The following GALNTL6 variants were observed in gnomAD, a reference collection of about 807,000 sequenced individuals.
The protein encoded by GALNTL6 is polypeptide N-acetylgalactosaminyltransferase-like 6.
Under a neutral mutation model 73.7 loss-of-function variants are expected in GALNTL6, and 46 were observed. The ratio of observed to expected loss-of-function variants is 0.62; its 90% CI spans 0.49 to 0.80. The LOEUF (loss-of-function observed/expected upper bound fraction) is 0.80. GALNTL6 is among the 30% of genes least tolerant of loss of function. The pLI is 0.00. For missense variants in GALNTL6, 604 were observed against 755.0 expected (o/e 0.80, Z 2.34); for synonymous variants, 259 against 263.7 (o/e 0.98, Z 0.17).
chr4:172,812,907 A>G (rs1164837651), intron 6 of GALNTL6, among the ~76,000 whole-genome samples: 1 of 152,220 alleles, frequency 6.6e-6, no homozygotes, highest in African/African-American at 2.4e-5. Flanking sequence ...GTAGTATAAT[A>G]TCACCTAATA....
chr4:171,949,038 G>A (rs1191260930), intron 2 of GALNTL6, among the ~76,000 whole-genome samples: 1 of 151,852 alleles, frequency 6.6e-6, no homozygotes, highest in Non-Finnish European at 1.5e-5. Context: ...AAAGTATTCA[G>A]AGTGCGTCCA....
At chr4:171,881,181 G>A (rs560867927) in intron 2 of GALNTL6, among the ~76,000 whole-genome samples, 27 of 152,204 alleles carry the variant, frequency 1.8e-4, no homozygotes, top group Middle Eastern at 3.4e-3. Context: ...ATCAGAAGAC[G>A]GAATCCAATA....
intron 3 of GALNTL6, among the ~76,000 whole-genome samples, chr4:172,272,757 A>C (rs1259912159): frequency 6.6e-6 from 1 of 152,212 alleles, no homozygotes; most frequent in Non-Finnish European, 1.5e-5. Flanking sequence ...GAATGGAAAA[A>C]TGTGCTTCAC....
intron 5 of GALNTL6, among the ~76,000 whole-genome samples, chr4:172,622,331 C>T (rs1490454904): frequency 6.6e-6 from 1 of 151,968 alleles, no homozygotes; most frequent in Non-Finnish European, 1.5e-5. Context: ...TAAAAGTAGA[C>T]CCACTCCAAG....
rs545462743 is a variant in GALNTL6 at position 172,956,043 on chromosome 4, C to G, written c.1371+3785C>G. On this transcript the variant is annotated intron_variant, in intron 10 of 12. Transcript: ENST00000506823. Reference sequence around the variant, plus strand: ...GGTCACAGGGAATATGATGGCTTAGCTTTGGCTCAGAGGCCTGACATTCCC... The same window carrying G: ...GGTCACAGGGAATATGATGGCTTAGGTTTGGCTCAGAGGCCTGACATTCCC... Among the ~76,000 whole-genome samples the G allele has an allele frequency of 5.3e-5, 8 of 152,070 alleles. No individual in the cohort carries two copies. In the South Asian group the frequency reaches 1.2e-3, roughly 24 times the overall value.
In GALNTL6 at chr4:171,827,485, C is replaced by T. The variant is rs536494137; in HGVS notation, c.138+12767C>T. Among the ~76,000 whole-genome samples, 3 of 152,262 alleles carry T rather than the reference C, an allele frequency of 2.0e-5. No homozygotes were observed. The East Asian group carries it at 5.8e-4, about 29-fold the overall frequency. On this transcript the variant is annotated intron_variant, in intron 2 of 12. Coordinates refer to ENST00000506823, the MANE Select transcript of GALNTL6 (RefSeq NM_001034845.3). ...AATTACTTCTTGTTCTGCACTCTCC[C>T]TGGGACCATCACTCACAAGCCTTCA...
At chr4:172,224,044 AT>A (rs1560977253) in intron 2 of GALNTL6, among the ~76,000 whole-genome samples, 1 of 152,176 alleles carries the variant, frequency 6.6e-6, no homozygotes, top group Admixed American at 6.5e-5. Flanking sequence ...TATTTGTTTA[AT>A]GATTTAAGGT....
At chr4:172,471,947 C>T (rs770108432) in intron 5 of GALNTL6, among the ~76,000 whole-genome samples, 24 of 152,130 alleles carry the variant, frequency 1.6e-4, no homozygotes, top group Non-Finnish European at 3.2e-4. Context: ...TTTCTTCTCT[C>T]TAATATCCAA....
intron 12 of GALNTL6, among the ~76,000 whole-genome samples, chr4:173,025,099 A>C (rs1340277158): frequency 6.6e-6 from 1 of 152,146 alleles, no homozygotes; most frequent in East Asian, 1.9e-4. Flanking sequence ...AGCAACTCTC[A>C]TTCCGCTTTT....
At chr4:172,581,749 T>G (rs1737199969) in intron 5 of GALNTL6, among the ~76,000 whole-genome samples, 1 of 152,192 alleles carries the variant, frequency 6.6e-6, no homozygotes, top group Admixed American at 6.5e-5. Flanking sequence ...GCTCTCTGAT[T>G]GGCTTGAGAG....
Position 172,719,977 on chromosome 4 carries a change from A to G in GALNTL6, c.554-89384A>G, listed in dbSNP as rs1244308863. Among the ~76,000 whole-genome samples the G allele has an allele frequency of 2.6e-5, 4 of 152,088 alleles. No individual in the cohort carries two copies. In the East Asian group the frequency reaches 7.7e-4, roughly 29 times the overall value. On this transcript the variant is annotated intron_variant, in intron 5 of 12. Transcript: ENST00000506823. The stretch of plus-strand genomic sequence containing the variant: ...TGTAAACTGTCATGGCGCTGATGGG[A>G]GTGCAGTAGTGAGGACGACCGGAGG...
At chr4:172,589,212 C>T (rs979683425) in intron 5 of GALNTL6, among the ~76,000 whole-genome samples, 28 of 152,096 alleles carry the variant, frequency 1.8e-4, no homozygotes, top group African/African-American at 7.2e-5. Context: ...AAGAAAATGA[C>T]ACATTTCTTA....
At chr4:172,814,360 T>C (rs1328255422) in intron 7 of GALNTL6, among the ~76,000 whole-genome samples, 2 of 152,154 alleles carry the variant, frequency 1.3e-5, no homozygotes, top group Admixed American at 6.6e-5. Context: ...GTTTTTTCAG[T>C]GTGGACATAA....
At chr4:172,239,909 G>A (rs577828036) in intron 3 of GALNTL6, among the ~76,000 whole-genome samples, 15 of 152,170 alleles carry the variant, frequency 9.9e-5, no homozygotes, top group Non-Finnish European at 2.1e-4. Context: ...TGTCTTATAA[G>A]GTTTCTGCTG....
chr4:172,286,016 T>C (rs116312004), intron 3 of GALNTL6, among the ~76,000 whole-genome samples: 267 of 152,310 alleles, frequency 1.8e-3, no homozygotes, highest in African/African-American at 5.8e-3. Flanking sequence ...AGGAACTACA[T>C]GTGATGCCAT....
At chr4:172,291,615 A>G (rs976288014) in intron 3 of GALNTL6, among the ~76,000 whole-genome samples, 8 of 152,066 alleles carry the variant, frequency 5.3e-5, no homozygotes, top group Admixed American at 3.9e-4. Flanking sequence ...TATGTTATCT[A>G]TAAGATTGAT....
intron 10 of GALNTL6, among the ~76,000 whole-genome samples, chr4:172,998,175 C>CACT (rs1265361385): frequency 6.6e-6 from 1 of 152,158 alleles, no homozygotes; most frequent in Non-Finnish European, 1.5e-5. Flanking sequence ...GAAGGAAAGG[C>CACT]ACTAGGTGGT....
chr4:172,926,081 G>A (rs1254199963), intron 8 of GALNTL6, among the ~76,000 whole-genome samples: 1 of 152,156 alleles, frequency 6.6e-6, no homozygotes, highest in East Asian at 1.9e-4. Flanking sequence ...TCACTGTTCT[G>A]GATGCTGCAA....
chr4:172,106,272 A>T (rs1298562626), intron 2 of GALNTL6, among the ~76,000 whole-genome samples: 1 of 152,180 alleles, frequency 6.6e-6, no homozygotes, highest in Non-Finnish European at 1.5e-5. Flanking sequence ...TTAAGGGTCA[A>T]AATTGTAAAA....
Sources: allele counts gnomAD v4.1 joint callset (sites outside exome capture counted in the v4.1 genomes callset), GRCh38; gene constraint gnomAD v4.1.1; transcripts MANE v1.5; gene names NCBI Gene and HGNC (gene_info 2026-07-23, HGNC 2026-07-21).